The following ACOT12 variants were observed in gnomAD, a reference collection of about 807,000 sequenced individuals.
ACOT12 encodes acetyl-coenzyme A thioesterase.
In ACOT12, 51 loss-of-function variants were observed where a neutral mutation model predicts 67.7. The observed-to-expected ratio is 0.75, with a 90% confidence interval of 0.60 to 0.95. The LOEUF is 0.95. Among genes scored for constraint, ACOT12 ranks in the 40% least tolerant of loss-of-function variants. ACOT12 has a pLI of 0.00. For missense variants in ACOT12, 734 were observed against 708.1 expected (o/e 1.04, Z -0.41); for synonymous variants, 251 against 244.6 (o/e 1.03, Z -0.24).
At chr5:81,385,189 C>T (rs954749737) in intron 2 of ACOT12, among the ~76,000 whole-genome samples, 1 of 152,118 alleles carries the variant, frequency 6.6e-6, no homozygotes, top group Non-Finnish European at 1.5e-5. Context: ...TGGCTCACTC[C>T]TGTAATCCCA....
intron 3 of ACOT12, among the ~76,000 whole-genome samples, chr5:81,367,540 C>G (rs1189615894): frequency 6.6e-6 from 1 of 151,788 alleles, no homozygotes; most frequent in Non-Finnish European, 1.5e-5. Context: ...ATTGCAAACC[C>G]GAGAAAAACA....
chr5:81,325,236 T>G (rs527922481), downstream of ACOT12, among the ~76,000 whole-genome samples: 7 of 152,310 alleles, frequency 4.6e-5, no homozygotes, highest in African/African-American at 1.7e-4. Context: ...ATGAATATTT[T>G]TTGAAGTTCA....
downstream of ACOT12, among the ~76,000 whole-genome samples, chr5:81,326,190 A>ATC (rs1758672374): frequency 1.6e-5 from 2 of 128,644 alleles, no homozygotes; most frequent in South Asian, 4.9e-4. Flanking sequence ...CATTGGCATG[A>ATC]TCTCGGCTCA....
rs1222312080 is a variant in ACOT12, at chr5:81,359,939, A to T, written c.460T>A (p.Phe154Ile). 1 of 1,611,314 alleles carries T rather than the reference A, an allele frequency of 6.2e-7. No individual in the cohort carries two copies. The highest frequency in any genetic ancestry group is 2.2e-5 in the East Asian group (1 of 44,788). ...RKVRLQHEDTFNNLMKESSKF... is the reference protein window; with the variant it reads ...RKVRLQHEDTINNLMKESSKF... ...CTACTTTCCTTCATTAAATTGTTAA[A>T]GGTATCTTCATGTTGTAATCGAACT... The change falls in exon 5 of 15, where the codon TTT becomes ATT. Residue 154 changes from phenylalanine (F) to isoleucine (I), a missense_variant. Coordinates refer to ENST00000307624, the MANE Select transcript of ACOT12 (RefSeq NM_130767.3).
At chr5:81,316,696 C>A in the ACOT12 span, among the ~76,000 whole-genome samples, 3 of 152,196 alleles carry the variant, frequency 2.0e-5, no homozygotes, top group African/African-American at 7.2e-5. Flanking sequence ...AGTTTCAATT[C>A]TCCACATCCT....
chr5:81,336,005 G>A (rs976799516), intron 11 of ACOT12, 104 bp from the exon 12 acceptor site: 1 of 1,192,508 alleles, frequency 8.4e-7, no homozygotes, highest in Non-Finnish European at 1.1e-6. Flanking sequence ...ACTAACTAAG[G>A]CATCTTATTT....
intron 3 of ACOT12, among the ~76,000 whole-genome samples, chr5:81,366,123 A>G (rs902483525): frequency 2.0e-5 from 3 of 152,232 alleles, no homozygotes; most frequent in Non-Finnish European, 4.4e-5. Context: ...CCAACTTAGA[A>G]GAGGGGCTAA....
intron 2 of ACOT12, among the ~76,000 whole-genome samples, chr5:81,373,329 T>C (rs1760311389): frequency 1.3e-5 from 2 of 152,206 alleles, no homozygotes; most frequent in Non-Finnish European, 2.9e-5. Flanking sequence ...AATGGTGCAC[T>C]CTGGCCCAGA....
At position 81,344,197 on chromosome 5, in the gene ACOT12, G is replaced by A. The variant is rs564234792; in HGVS notation, c.943C>T (p.Arg315Trp). 5.6e-6 allele frequency: 9 copies of A among 1,613,550 alleles called. No homozygotes were observed. Among genetic ancestry groups the A allele is most frequent in the East Asian group, 2.2e-5 (1 of 44,866 alleles). The change falls in exon 9 of 15, where the codon CGG (arginine) becomes TGG (tryptophan). Residue 315 changes from arginine (R) to tryptophan (W), a missense_variant. By Grantham distance (101) the Arg-to-Trp change is moderately radical. Coordinates refer to ENST00000307624, the MANE Select transcript of ACOT12 (RefSeq NM_130767.3). ...ATTCGCTTGCGTGCAATAGCTCCCCGATAGCGTCTGAAATCATCCTTTAAT... is the reference window on the plus strand; with the variant it reads ...ATTCGCTTGCGTGCAATAGCTCCCCAATAGCGTCTGAAATCATCCTTTAAT... ...PISKDDFRRY[R>W]GAIARKRIRL...
intron 3 of ACOT12, among the ~76,000 whole-genome samples, chr5:81,367,290 A>G (rs554052868): frequency 2.7e-4 from 41 of 152,322 alleles, no homozygotes; most frequent in Non-Finnish European, 5.3e-4. Flanking sequence ...GGGTATATAT[A>G]TAAAATACTT....
At chr5:81,309,435 G>A in the ACOT12 span, among the ~76,000 whole-genome samples, 1 of 152,148 alleles carries the variant, frequency 6.6e-6, no homozygotes, top group East Asian at 1.9e-4. Flanking sequence ...ATTCAATATT[G>A]TAGTAATGTT....
At chr5:81,324,540 A>G in the ACOT12 span, among the ~76,000 whole-genome samples, 1 of 152,224 alleles carries the variant, frequency 6.6e-6, no homozygotes. Flanking sequence ...ATTTCTGGTA[A>G]ATAGATGGCT....
intron 2 of ACOT12, among the ~76,000 whole-genome samples, chr5:81,380,235 T>C (rs765627292): frequency 3.3e-5 from 5 of 152,084 alleles, no homozygotes; most frequent in Non-Finnish European, 7.4e-5. Flanking sequence ...ACATATGCAT[T>C]TACCCTTTGA....
chr5:81,345,799 T>C, intron 7 of ACOT12, 86 bp downstream of exon 7: 1 of 1,545,050 alleles, frequency 6.5e-7, no homozygotes, highest in East Asian at 2.3e-5. Context: ...ACTAAAGTAG[T>C]TCCCATACTC....
Position 81,330,297 on chromosome 5 carries a change from A to G in ACOT12, c.*97T>C. 7.2e-7 allele frequency: 1 copy of G among 1,388,602 alleles called. No homozygotes were observed. Among genetic ancestry groups the G allele is most frequent in the Non-Finnish European group, 9.7e-7 (1 of 1,033,526 alleles). 86.0% of individuals were successfully genotyped at this position (1,388,602 alleles called of 1,614,324 possible). A position where few individuals can be genotyped will look rare whatever the true frequency, so the allele number is the denominator to read the frequency against. ...CTGCATTTTGCTTAGGGTTATATTA[A>G]ATTATTTTGTGGCCCCAAAGCTTGA... On this transcript the variant is annotated 3_prime_UTR_variant, in exon 15 of 15. Transcript: ENST00000307624.
intron 3 of ACOT12, among the ~76,000 whole-genome samples, chr5:81,367,870 G>GA (rs1760130634): frequency 6.6e-6 from 1 of 151,972 alleles, no homozygotes; most frequent in Admixed American, 6.6e-5. Flanking sequence ...AAATGATGGG[G>GA]AAAAAAACAC....
chr5:81,386,994 CA>C (rs371297048), intron 1 of ACOT12, among the ~76,000 whole-genome samples: 33,701 of 127,980 alleles, frequency 0.26, 5,120 homozygotes, highest in African/African-American at 0.32. Context: ...GGATGAGTTC[CA>C]TTTTTTTTTT....
In ACOT12 at chr5:81,332,443, A is replaced by G. The variant is rs755384770; in HGVS notation, c.1391+34T>C. On this transcript the variant is annotated intron_variant, in intron 13 of 14. Transcript: ENST00000307624. ...TTTAATTTCTATCCTATACTATGAAATATTAATAGAACACTTGGACTGCAT... is the reference window on the plus strand; with the variant it reads ...TTTAATTTCTATCCTATACTATGAAGTATTAATAGAACACTTGGACTGCAT... 1.2e-5 allele frequency: 19 copies of G among 1,608,908 alleles called. No homozygotes were observed. The East Asian group carries it at 4.0e-4, about 34-fold the overall frequency.
chr5:81,324,801 T>C, the ACOT12 span, among the ~76,000 whole-genome samples: 4 of 152,148 alleles, frequency 2.6e-5, no homozygotes, highest in Non-Finnish European at 4.4e-5. Flanking sequence ...AGAGACTAAG[T>C]AAGTCAAGAA....
Sources: allele counts gnomAD v4.1 joint callset (sites outside exome capture counted in the v4.1 genomes callset), GRCh38; gene constraint gnomAD v4.1.1; transcripts MANE v1.5; gene names NCBI Gene and HGNC (gene_info 2026-07-23, HGNC 2026-07-21).